NDUFS1: variants seen among roughly 807,000 people sequenced by gnomAD.
NDUFS1 encodes NADH-ubiquinone oxidoreductase 75 kDa subunit, mitochondrial.
Under a neutral mutation model 84.4 loss-of-function variants are expected in NDUFS1, and 61 were observed. The observed-to-expected ratio is 0.72, with a 90% CI of 0.59 to 0.89. NDUFS1 has a LOEUF of 0.89. NDUFS1 is among the 40% of genes least tolerant of loss of function. The pLI is 0.00. For missense variants in NDUFS1, 891 were observed against 890.0 expected (o/e 1.00, Z -0.01); for synonymous variants, 275 against 290.0 (o/e 0.95, Z 0.53).
intron 13 of NDUFS1, among the ~76,000 whole-genome samples, chr2:206,136,197 A>T (rs1272306835): frequency 6.6e-6 from 1 of 150,630 alleles, no homozygotes; most frequent in African/African-American, 2.4e-5. Flanking sequence ...ATTACAGGCC[A>T]CTACAACCGG....
intron 5 of NDUFS1, among the ~76,000 whole-genome samples, chr2:206,148,058 A>C (rs1692227626): frequency 6.6e-6 from 1 of 151,762 alleles, no homozygotes; most frequent in Non-Finnish European, 1.5e-5. Context: ...CCGAGTATCT[A>C]GGATTACAGA....
chr2:206,139,547 G>A (rs1382165378), intron 12 of NDUFS1, among the ~76,000 whole-genome samples: 2 of 151,916 alleles, frequency 1.3e-5, no homozygotes, highest in Non-Finnish European at 2.9e-5. Flanking sequence ...TTACATGACA[G>A]GGTCAATTAT....
intron 2 of NDUFS1, 38 bp from the exon 3 acceptor site, chr2:206,152,548 C>CA (rs755540665): frequency 1.3e-6 from 2 of 1,561,350 alleles, no homozygotes; most frequent in East Asian, 4.5e-5. Context: ...AACAGATTAA[C>CA]AGTTTATTAT....
intron 15 of NDUFS1, among the ~76,000 whole-genome samples, chr2:206,129,300 T>A (rs1691414745): frequency 6.6e-6 from 1 of 152,148 alleles, no homozygotes; most frequent in Non-Finnish European, 1.5e-5. Context: ...TATTGCTCTG[T>A]CACCCAGGCT....
At chr2:206,159,016 G>C (rs1268150679) in intron 1 of NDUFS1, 4 of 1,458,650 alleles carry the variant, frequency 2.7e-6, no homozygotes, top group Non-Finnish European at 3.7e-6. Context: ...GTCCTCTCCC[G>C]GGGAATAAAA....
intron 11 of NDUFS1, among the ~76,000 whole-genome samples, 175 bp from the exon 12 acceptor site, chr2:206,142,244 A>C (rs1034244549): frequency 1.3e-5 from 2 of 152,028 alleles, no homozygotes; most frequent in Admixed American, 6.6e-5. Context: ...ATAGAGTCTC[A>C]CTCTGTCTCC....
Position 206,149,817 on chromosome 2 carries a change from C to T in NDUFS1, c.261+1G>A. The T allele has an allele frequency of 6.2e-7, 1 of 1,609,192 alleles. No homozygotes were observed. The highest frequency in any genetic ancestry group is 8.5e-7 in the Non-Finnish European group (1 of 1,176,458). ...GGTGTAGAATTTTAGGTATCAAGTA[C>T]CTTAGGGGCTTTCTCAATTTCAACA... is the stretch of plus-strand genomic sequence containing the variant. On this transcript the variant is annotated splice_donor_variant, in intron 4 of 18. Coordinates refer to ENST00000233190, the MANE Select transcript of NDUFS1 (RefSeq NM_005006.7). LOFTEE classifies it high-confidence loss of function.
At position 206,126,552 on chromosome 2, in the gene NDUFS1, G is replaced by A. The variant is rs759104039; in HGVS notation, c.2079C>T (p.Asp693=). Residue 693 remains aspartate (D), a synonymous_variant, in exon 18 of 19, where the codon GAC becomes GAT. Transcript: ENST00000233190. ...ACAATTACATACCTGTCATGTAGAA[G>A]TCTTTTATAGTTAGCTGAGGTGGAA... ...PLVPPQLTIK[D]FYMTDSISRA... 6.2e-7 allele frequency: 1 copy of A among 1,614,096 alleles called. No homozygotes were observed. Among genetic ancestry groups the A allele is most frequent in the Non-Finnish European group, 8.5e-7 (1 of 1,179,986 alleles).
In NDUFS1 at chr2:206,142,826, C is replaced by A. The variant is rs145401558; in HGVS notation, c.993G>T (p.Gln331His). The A allele has an allele frequency of 1.9e-6, 3 of 1,614,186 alleles. No individual in the cohort carries two copies. The highest frequency in any genetic ancestry group is 2.7e-5 in the African/African-American group (2 of 75,046). The change falls in exon 11 of 19, where the codon CAG becomes CAT. Residue 331 changes from glutamine to histidine, a missense_variant. Physicochemically the swap from Gln to His is conservative, Grantham distance 24. Transcript: ENST00000233190. ...CTGCCACATCTTTGCCTTGAAAACTCTGCAACTAGAAACAGATGAAAAGGG... is the reference window on the plus strand; with the variant it reads ...CTGCCACATCTTTGCCTTGAAAACTATGCAACTAGAAACAGATGAAAAGGG... ...DALSRVAGML[Q>H]SFQGKDVAAI...
At chr2:206,151,742 T>A (rs1401622905) in intron 3 of NDUFS1, among the ~76,000 whole-genome samples, 1 of 152,208 alleles carries the variant, frequency 6.6e-6, no homozygotes, top group Non-Finnish European at 1.5e-5. Flanking sequence ...TAGGATATAT[T>A]CCTATGAATA....
chr2:206,141,878 T>C, intron 12 of NDUFS1, 63 bp downstream of exon 12: 2 of 1,440,074 alleles, frequency 1.4e-6, no homozygotes, highest in Non-Finnish European at 1.9e-6. Flanking sequence ...ATGCCATTTT[T>C]CACATATAAA....
intron 12 of NDUFS1, among the ~76,000 whole-genome samples, chr2:206,139,509 T>C (rs1691852170): frequency 6.6e-6 from 1 of 152,164 alleles, no homozygotes; most frequent in African/African-American, 2.4e-5. Context: ...AATTTTAGAA[T>C]TAATCTGTAA....
chr2:206,159,205 G>A, intron 1 of NDUFS1, 136 bp downstream of exon 1: 1 of 1,495,900 alleles, frequency 6.7e-7, no homozygotes, highest in Non-Finnish European at 9.0e-7. Context: ...AGGGGCTTCC[G>A]AGGCGGCGGG....
rs1244393095 is a variant in NDUFS1, at chr2:206,123,477, T to C, written c.*708A>G. On this transcript the variant is annotated 3_prime_UTR_variant, in exon 19 of 19. Transcript: ENST00000233190. ...TAGAATCAACATTAATGAGACGAAA[T>C]AATATGTTGCAGTTAAGAACAACAG... is the stretch of plus-strand genomic sequence containing the variant. The C allele has an allele frequency of 1.3e-5, 2 of 152,112 alleles. No individual in the cohort carries two copies. The highest frequency in any genetic ancestry group is 2.9e-5 in the Non-Finnish European group (2 of 68,012). The allele number at this position is 152,112 out of a possible 1,614,324, so 9.4% of individuals were successfully genotyped here.
chr2:206,118,252 C>T lies in NDUFS1; in HGVS notation c.*5933G>A, dbSNP rs1267060753. 2 of 152,170 alleles carry T rather than the reference C, an allele frequency of 1.3e-5. No homozygotes were observed. The highest frequency in any genetic ancestry group is 2.9e-5 in the Non-Finnish European group (2 of 68,028). The allele number at this position is 152,170 out of a possible 1,614,324, so 9.4% of individuals were successfully genotyped here. Reference sequence around the variant, plus strand: ...ATCTAGTCAGTTTTCTCATTAACATCCTTGTCCCTTGGGATAAATTAAATC... The same window carrying T: ...ATCTAGTCAGTTTTCTCATTAACATTCTTGTCCCTTGGGATAAATTAAATC... On this transcript the variant is annotated 3_prime_UTR_variant, in exon 19 of 19. Coordinates refer to ENST00000233190, the MANE Select transcript of NDUFS1 (RefSeq NM_005006.7).
intron 3 of NDUFS1, among the ~76,000 whole-genome samples, chr2:206,151,986 C>T (rs34601693): frequency 1.9e-4 from 29 of 152,188 alleles, no homozygotes; most frequent in Non-Finnish European, 3.4e-4. Flanking sequence ...CTGCCTCAGC[C>T]TCTCGAGTAG....
In NDUFS1 at chr2:206,119,398, C is replaced by G. The variant is rs1478002348; in HGVS notation, c.*4787G>C. ...ACAATAAATTGGTACTGGGTATTGT[C>G]AAATATATTTTTTAATTTTTACTTT... On this transcript the variant is annotated 3_prime_UTR_variant, in exon 19 of 19. Coordinates refer to ENST00000233190, the MANE Select transcript of NDUFS1 (RefSeq NM_005006.7). The G allele has an allele frequency of 1.3e-5, 2 of 152,060 alleles. No homozygotes were observed. Among genetic ancestry groups the G allele is most frequent in the African/African-American group, 4.8e-5 (2 of 41,416 alleles). 9.4% of individuals were successfully genotyped at this position (152,060 alleles called of 1,614,324 possible).
rs1391682280 is a variant in NDUFS1 at position 206,147,011 on chromosome 2, A to G, written c.629T>C (p.Ile210Thr). Residue 210 changes from isoleucine (I) to threonine (T), a missense_variant, in exon 8 of 19, where the codon ATT becomes ACT. Physicochemically the swap from Ile to Thr is moderately conservative, Grantham distance 89. Coordinates refer to ENST00000233190, the MANE Select transcript of NDUFS1 (RefSeq NM_005006.7). ...RGNDMQVGTYIEKMFMSELSG... is the reference protein window; with the variant it reads ...RGNDMQVGTYTEKMFMSELSG... ...CAGTTCAGACATGAACATCTTTTCA[A>G]TGTATGTGCCAACTTGCATATCATT... 3 of 1,614,138 alleles carry G rather than the reference A, an allele frequency of 1.9e-6. No homozygotes were observed. The highest frequency in any genetic ancestry group is 1.7e-4 in the Middle Eastern group (1 of 6,060).
intron 10 of NDUFS1, 152 bp from the exon 11 acceptor site, chr2:206,142,983 G>A: frequency 1.8e-6 from 2 of 1,108,742 alleles, no homozygotes; most frequent in South Asian, 1.4e-5. Context: ...CAGGCACACT[G>A]GCTCATGCCT....
Sources: gnomAD v4.1 joint callset for allele counts (sites outside exome capture counted in the v4.1 genomes callset) on GRCh38, gnomAD v4.1.1 for gene constraint, MANE v1.5 for transcripts, NCBI Gene and HGNC (gene_info 2026-07-23, HGNC 2026-07-21) for gene names.